The following PPP1R12C variants were observed in gnomAD, a reference collection of about 807,000 sequenced individuals.
PPP1R12C encodes the protein protein phosphatase 1 regulatory subunit 12C, also known as leukocyte receptor cluster (LRC) encoded novel gene 3.
In PPP1R12C, 48 loss-of-function variants were observed where a neutral mutation model predicts 95.6. The observed-to-expected ratio is 0.50, with a 90% CI of 0.40 to 0.64. PPP1R12C has a LOEUF of 0.64. PPP1R12C is among the 30% of genes least tolerant of loss of function. PPP1R12C has a pLI of 0.00. For missense variants in PPP1R12C, 1,057 were observed against 1,083.3 expected, an observed-to-expected ratio of 0.98 and a Z score of 0.34; for synonymous variants, 480 against 460.8, an observed-to-expected ratio of 1.04 and a Z score of -0.53.
chr19:55,117,274 G>T lies in PPP1R12C; in HGVS notation c.270C>A (p.Ala90=), dbSNP rs1156951967. The change falls in exon 1 of 22, where the codon GCC becomes GCA. Residue 90 remains alanine, a synonymous_variant. Transcript: ENST00000263433. ...AELDPAAPPP[A]RAVLDSTNAD... ...CGTTGGTGGAGTCCAGCACGGCGCGGGCGGGCGGCGGCGCGGCGGGGTCGA... is the reference window on the plus strand; with the variant it reads ...CGTTGGTGGAGTCCAGCACGGCGCGTGCGGGCGGCGGCGCGGCGGGGTCGA... 19 of 1,223,064 alleles carry T rather than the reference G, an allele frequency of 1.6e-5. No individual in the cohort carries two copies. Among genetic ancestry groups the T allele is most frequent in the Non-Finnish European group, 1.9e-5 (19 of 983,544 alleles). The allele number at this position is 1,223,064 out of a possible 1,614,324, so 75.8% of individuals were successfully genotyped here.
chr19:55,112,976 G>T, intron 1 of PPP1R12C, 181 bp from the exon 2 acceptor site: 1 of 784,408 alleles, frequency 1.3e-6, no homozygotes, highest in East Asian at 2.7e-5. Context: ...CAGTGGTCAG[G>T]CCGGCCAGGC....
intron 1 of PPP1R12C, among the ~76,000 whole-genome samples, chr19:55,116,153 T>C (rs2085151140): frequency 6.6e-6 from 1 of 151,406 alleles, no homozygotes; most frequent in Non-Finnish European, 1.5e-5. Context: ...AGAAAAACGG[T>C]GATGATGCAG....
intron 3 of PPP1R12C, among the ~76,000 whole-genome samples, chr19:55,110,425 G>A (rs1371574920): frequency 6.6e-6 from 1 of 150,562 alleles, no homozygotes; most frequent in African/African-American, 2.4e-5. Context: ...GGTGCGGTGG[G>A]TGAGAGTGTA....
chr19:55,103,171 G>A (rs746717145), intron 4 of PPP1R12C, among the ~76,000 whole-genome samples: 1 of 152,176 alleles, frequency 6.6e-6, no homozygotes, highest in Non-Finnish European at 1.5e-5. Context: ...TCCAGCCTGG[G>A]TGACATAGCA....
chr19:55,099,070 G>T lies in PPP1R12C; in HGVS notation c.757C>A (p.Pro253Thr). 2.6e-6 allele frequency: 4 copies of T among 1,550,282 alleles called. No homozygotes were observed. Among genetic ancestry groups the T allele is most frequent in the Non-Finnish European group, 3.5e-6 (4 of 1,146,272 alleles). Residue 253 changes from proline to threonine, a missense_variant, in exon 5 of 22, where the codon CCA becomes ACA. This residue lies in a region of PPP1R12C where 282 missense variants were observed against 380.4 expected (regional missense o/e 0.74). Transcript: ENST00000263433. Reference sequence around the variant, plus strand: ...CAGCCGTCCCCGTCCCGGAGCTCTGGGTCGTAGCCAGCCTGAAGGAGCAAC... The same window carrying T: ...CAGCCGTCCCCGTCCCGGAGCTCTGTGTCGTAGCCAGCCTGAAGGAGCAAC... ...MRLLLQAGYD[P>T]ELRDGDGWTP...
At chr19:55,110,785 C>T (rs144400570) in intron 3 of PPP1R12C, among the ~76,000 whole-genome samples, 2,950 of 151,460 alleles carry the variant, frequency 0.019, 120 homozygotes, top group African/African-American at 0.068. Context: ...GCAGGAGAAT[C>T]GCTTGAACCC....
At chr19:55,101,203 G>A (rs1270858718) in intron 4 of PPP1R12C, among the ~76,000 whole-genome samples, 12 of 151,954 alleles carry the variant, frequency 7.9e-5, no homozygotes, top group East Asian at 7.8e-4. Flanking sequence ...AGCTGAGACC[G>A]CGCCACTGCA....
At chr19:55,116,292 G>T (rs1603013310) in intron 1 of PPP1R12C, among the ~76,000 whole-genome samples, 1 of 152,252 alleles carries the variant, frequency 6.6e-6, no homozygotes, top group South Asian at 2.1e-4. Flanking sequence ...ACGGCATGGG[G>T]TTGGGTGAGG....
At chr19:55,098,347 T>C (rs925729745) in intron 6 of PPP1R12C, among the ~76,000 whole-genome samples, 2 of 152,366 alleles carry the variant, frequency 1.3e-5, no homozygotes, top group Admixed American at 1.3e-4. Context: ...CCAGGCAGTC[T>C]GGCCAAGGCT....
chr19:55,103,329 T>C, intron 4 of PPP1R12C, 80 bp downstream of exon 4: 11 of 1,306,852 alleles, frequency 8.4e-6, no homozygotes, highest in Non-Finnish European at 1.1e-5. Context: ...CTTCGGTACA[T>C]ACATTTAAAA....
At chr19:55,104,779 C>A (rs2085019585) in intron 3 of PPP1R12C, among the ~76,000 whole-genome samples, 1 of 150,042 alleles carries the variant, frequency 6.7e-6, no homozygotes, top group Non-Finnish European at 1.5e-5. Context: ...AAACTTTAGG[C>A]CATATATATA....
intron 6 of PPP1R12C, among the ~76,000 whole-genome samples, chr19:55,098,431 G>T (rs1487478434): frequency 6.6e-6 from 1 of 152,224 alleles, no homozygotes; most frequent in Admixed American, 6.5e-5. Context: ...CACCTTGTGG[G>T]TGACCAGCCC....
At chr19:55,092,157 C>T (rs2084849934) in intron 19 of PPP1R12C, 65 bp downstream of exon 19, 4 of 1,416,494 alleles carry the variant, frequency 2.8e-6, no homozygotes, top group Non-Finnish European at 3.8e-6. Flanking sequence ...CTCTACCTCC[C>T]AGCAGTCTAA....
intron 4 of PPP1R12C, among the ~76,000 whole-genome samples, chr19:55,101,414 G>GC (rs528413343): frequency 1.6e-3 from 246 of 152,162 alleles, no homozygotes; most frequent in African/African-American, 5.5e-3. Context: ...ACCCACACAG[G>GC]CCCCCTGGCC....
In PPP1R12C at chr19:55,093,091, A is replaced by G. The variant is rs777790908; in HGVS notation, c.1765-15T>C. On this transcript the variant is annotated splice_polypyrimidine_tract_variant and intron_variant, in intron 14 of 21. Transcript: ENST00000263433. ...CGGGAAGGGTCCTGTCGGGAGGGGG[A>G]GGCGAGTCAGGGAAGCAGGACATCC... 4 of 1,607,238 alleles carry G rather than the reference A, an allele frequency of 2.5e-6. No homozygotes were observed. Among genetic ancestry groups the G allele is most frequent in the South Asian group, 1.1e-5 (1 of 90,746 alleles).
Position 55,098,975 on chromosome 19 carries a change from C to T in PPP1R12C, c.852G>A (p.Gly284=). 6.4e-7 allele frequency: 1 copy of T among 1,569,568 alleles called. No homozygotes were observed. Among genetic ancestry groups the T allele is most frequent in the South Asian group, 1.2e-5 (1 of 86,586 alleles). ...DACRLLAEHG[G]GMDSLTHAGQ... The stretch of plus-strand genomic sequence containing the variant: ...CCGCATGGGTCAGTGAGTCCATGCC[C>T]CCGCCATGCTCGGCCAGCAGGCGGC... The change falls in exon 5 of 22, where the codon GGG becomes GGA. Residue 284 remains glycine (G), a synonymous_variant. Coordinates refer to ENST00000263433, the MANE Select transcript of PPP1R12C (RefSeq NM_017607.4).
At chr19:55,113,084 C>G in intron 1 of PPP1R12C, 1 of 555,714 alleles carries the variant, frequency 1.8e-6, no homozygotes, top group Non-Finnish European at 3.2e-6. Flanking sequence ...GTGCGGGAAC[C>G]CCACATGGTA....
At position 55,095,275 on chromosome 19, in the gene PPP1R12C, G is replaced by T; in HGVS notation, c.1454+16C>A. 1 of 1,561,598 alleles carries T rather than the reference G, an allele frequency of 6.4e-7. No individual in the cohort carries two copies. The highest frequency in any genetic ancestry group is 8.7e-7 in the Non-Finnish European group (1 of 1,152,864). On this transcript the variant is annotated intron_variant, in intron 11 of 21. Transcript: ENST00000263433. ...CTGCCACCCACCCCTGAGGGGCCCA[G>T]GCCCTGGGGACTCACAGGACAGAGG...
At chr19:55,107,706 G>C (rs1409963171) in intron 3 of PPP1R12C, among the ~76,000 whole-genome samples, 3 of 112,410 alleles carry the variant, frequency 2.7e-5, no homozygotes, top group Admixed American at 1.1e-4. Context: ...GTCGTGGGGT[G>C]GGGGGAGGGA....
Sources: gnomAD v4.1 joint callset for allele counts (sites outside exome capture counted in the v4.1 genomes callset) on GRCh38, gnomAD v4.1.1 for gene constraint, gnomAD v4.1.1 regional missense constraint, MANE v1.5 for transcripts, NCBI Gene and HGNC (gene_info 2026-07-23, HGNC 2026-07-21) for gene names.